PCDHA4: variants seen among roughly 807,000 people sequenced by gnomAD.
The protein encoded by PCDHA4 is protocadherin alpha-4.
A neutral mutation model predicts 61.4 loss-of-function variants in PCDHA4; 49 were observed. That is an observed-to-expected ratio of 0.80 (90% CI 0.63 to 1.01). The LOEUF (loss-of-function observed/expected upper bound fraction) is 1.01, where lower values mean the gene tolerates loss of function less well. PCDHA4 is among the 50% of genes least tolerant of loss of function. PCDHA4 has a pLI of 0.00. For synonymous variants in PCDHA4, 590 were observed against 550.3 expected, an observed-to-expected ratio of 1.07 and a Z score of -1.01; for missense variants, 1,254 against 1,235.8, an observed-to-expected ratio of 1.01 and a Z score of -0.22.
intron 1 of PCDHA4, chr5:140,966,733 C>T: frequency 7.1e-7 from 1 of 1,416,484 alleles, no homozygotes; most frequent in Non-Finnish European, 9.2e-7. Context: ...CCGCCTCCGG[C>T]CCTGCCCGGC....
At chr5:140,994,059 A>G (rs2097593470) in intron 3 of PCDHA4, among the ~76,000 whole-genome samples, 5 of 152,174 alleles carry the variant, frequency 3.3e-5, no homozygotes, top group Admixed American at 3.3e-4. Context: ...GCCCTTATAA[A>G]TCTAATGGTG....
chr5:140,927,015 G>A, intron 1 of PCDHA4: 1 of 1,612,466 alleles, frequency 6.2e-7, no homozygotes. Context: ...ATCTCTCCGC[G>A]GACTTGAGGC....
chr5:140,968,521 C>G, intron 1 of PCDHA4: 1 of 1,614,180 alleles, frequency 6.2e-7, no homozygotes, highest in Non-Finnish European at 8.5e-7. Context: ...CTACCTCAAC[C>G]AACTCGTCAG....
chr5:140,838,261 C>T (rs2150150705), intron 1 of PCDHA4, among the ~76,000 whole-genome samples: 1 of 147,022 alleles, frequency 6.8e-6, no homozygotes, highest in African/African-American at 2.5e-5. Context: ...TTAAAGACGC[C>T]AACAACCAAG....
intron 1 of PCDHA4, chr5:140,882,906 C>G: frequency 6.2e-7 from 1 of 1,614,200 alleles, no homozygotes; most frequent in Non-Finnish European, 8.5e-7. Context: ...TTATTACTGA[C>G]AGCCAGTGAT....
At chr5:140,853,918 C>T in intron 1 of PCDHA4, 3 of 938,954 alleles carry the variant, frequency 3.2e-6, no homozygotes, top group Non-Finnish European at 3.9e-6. Flanking sequence ...CCTGCAATCC[C>T]AACATTTTGG....
intron 1 of PCDHA4, among the ~76,000 whole-genome samples, chr5:140,896,682 C>A (rs573518532): frequency 6.6e-6 from 1 of 152,124 alleles, no homozygotes; most frequent in African/African-American, 2.4e-5. Flanking sequence ...CGGCCCTTTG[C>A]CCATTTTTTG....
chr5:140,817,711 G>T (rs2150098839), intron 1 of PCDHA4: 2 of 151,906 alleles, frequency 1.3e-5, no homozygotes, highest in African/African-American at 4.8e-5. Flanking sequence ...TCATTGTTTT[G>T]TTAACACCTA....
In PCDHA4 at chr5:140,807,090, A is replaced by T; in HGVS notation, c.-98A>T. On this transcript the variant is annotated 5_prime_UTR_variant, in exon 1 of 4. Coordinates refer to ENST00000530339, the MANE Select transcript of PCDHA4 (RefSeq NM_018907.4). ...ACCATATACACTCTTTGGAGTCTGAAATATGGAGGATGCAGCTGCACTTGA... is the reference window on the plus strand; with the variant it reads ...ACCATATACACTCTTTGGAGTCTGATATATGGAGGATGCAGCTGCACTTGA... 7.3e-7 allele frequency: 1 copy of T among 1,361,346 alleles called. No homozygotes were observed. The highest frequency in any genetic ancestry group is 1.0e-6 in the Non-Finnish European group (1 of 988,600). The allele number at this position is 1,361,346 out of a possible 1,614,324, so 84.3% of individuals were successfully genotyped here.
intron 1 of PCDHA4, chr5:140,822,188 G>C (rs2150114452): frequency 2.5e-6 from 4 of 1,614,232 alleles, no homozygotes; most frequent in Non-Finnish European, 2.5e-6. Flanking sequence ...CAAGAACAAA[G>C]ATTATTCATT....
rs782697989 is a variant in PCDHA4, at chr5:140,858,434, A to G, written c.2385+48862A>G. On this transcript the variant is annotated intron_variant, in intron 1 of 3. Coordinates refer to ENST00000530339, the MANE Select transcript of PCDHA4 (RefSeq NM_018907.4). ...GTCTATTGGAGGGGACCACTCTAGGAAGGTGGGTTATTACGTTTTCATTTT... is the reference window on the plus strand; with the variant it reads ...GTCTATTGGAGGGGACCACTCTAGGGAGGTGGGTTATTACGTTTTCATTTT... 3 of 1,543,272 alleles carry G rather than the reference A, an allele frequency of 1.9e-6. No homozygotes were observed. The Admixed American group carries it at 5.9e-5, about 30-fold the overall frequency.
chr5:140,869,348 G>A (rs782687742), intron 1 of PCDHA4: 1 of 1,614,066 alleles, frequency 6.2e-7, no homozygotes, highest in South Asian at 1.1e-5. Context: ...CTGCAGAATG[G>A]CATTTTGTTT....
At chr5:140,853,663 T>C (rs1278843204) in intron 1 of PCDHA4, 2 of 988,324 alleles carry the variant, frequency 2.0e-6, no homozygotes, top group South Asian at 4.7e-5. Context: ...CCAGACAAAT[T>C]GGGGCCTATG....
chr5:140,872,909 G>A (rs1214412416), intron 1 of PCDHA4, among the ~76,000 whole-genome samples: 7 of 152,076 alleles, frequency 4.6e-5, no homozygotes, highest in African/African-American at 1.7e-4. Flanking sequence ...GCTCTATCTT[G>A]TAATGCCTTA....
intron 1 of PCDHA4, chr5:140,870,634 G>C: frequency 6.2e-7 from 1 of 1,612,862 alleles, no homozygotes; most frequent in Non-Finnish European, 8.5e-7. Context: ...GTCGGTGCAC[G>C]CGGAGAGCGG....
chr5:140,898,407 C>T (rs556061781), intron 1 of PCDHA4, among the ~76,000 whole-genome samples: 90 of 152,094 alleles, frequency 5.9e-4, no homozygotes, highest in Middle Eastern at 3.4e-3. Flanking sequence ...TTTCTACATA[C>T]GGCTAGCCAG....
At chr5:140,849,221 C>T (rs1383448278) in intron 1 of PCDHA4, 3 of 1,037,238 alleles carry the variant, frequency 2.9e-6, no homozygotes, top group Admixed American at 2.8e-5. Flanking sequence ...CCCCAGTGTT[C>T]GACAGAACCC....
chr5:140,834,707 G>T, intron 1 of PCDHA4: 1 of 1,614,262 alleles, frequency 6.2e-7, no homozygotes, highest in Non-Finnish European at 8.5e-7. Flanking sequence ...ACCTGGAGGT[G>T]ATCGTGGAAA....
chr5:140,853,569 G>A lies in PCDHA4; in HGVS notation c.2385+43997G>A. On this transcript the variant is annotated intron_variant, in intron 1 of 3. Transcript: ENST00000530339. ...ATTACTATATAGGAAAAACTAAGTT[G>A]TCACCCAATATCTTAGACACTTTGA... 1.3e-5 allele frequency: 13 copies of A among 981,402 alleles called. 1 individual carries two copies. The highest frequency in any genetic ancestry group is 1.6e-5 in the Non-Finnish European group (13 of 813,896). 60.8% of individuals were successfully genotyped at this position (981,402 alleles called of 1,614,324 possible).
Sources: allele counts gnomAD v4.1 joint callset (sites outside exome capture counted in the v4.1 genomes callset), GRCh38; gene constraint gnomAD v4.1.1; transcripts MANE v1.5; gene names NCBI Gene and HGNC (gene_info 2026-07-23, HGNC 2026-07-21).